The following TACR3 variants were observed in gnomAD, a reference collection of about 807,000 sequenced individuals.
The protein encoded by TACR3 is tachykinin receptor 3.
TACR3 carries 34 observed loss-of-function variants against 35.0 expected under a neutral mutation model. The observed-to-expected ratio is 0.97, with a 90% CI of 0.74 to 1.30. TACR3 has a LOEUF of 1.30. TACR3 is among the 50% of genes most tolerant of loss of function. TACR3 has a pLI of 0.00. For missense variants in TACR3, 558 were observed against 591.7 expected (o/e 0.94, Z 0.59); for synonymous variants, 233 against 221.1 (o/e 1.05, Z -0.48).
At chr4:103,622,710 A>G (rs2110305007) in intron 3 of TACR3, among the ~76,000 whole-genome samples, 1 of 152,252 alleles carries the variant, frequency 6.6e-6, no homozygotes, top group South Asian at 2.1e-4. Flanking sequence ...GAGTGAGTCT[A>G]GCCAAAAATA....
At chr4:103,594,950 TG>T (rs140039943) in intron 3 of TACR3, among the ~76,000 whole-genome samples, 9 of 152,292 alleles carry the variant, frequency 5.9e-5, no homozygotes, top group Non-Finnish European at 1.2e-4. Context: ...TACAAAATCT[TG>T]TAGTGTTATT....
intron 3 of TACR3, among the ~76,000 whole-genome samples, chr4:103,632,658 T>G (rs1725093997): frequency 6.6e-6 from 1 of 151,634 alleles, no homozygotes; most frequent in South Asian, 2.1e-4. Context: ...CTGTTTTTTT[T>G]TTTTGAAGAA....
chr4:103,592,551 T>A (rs7697019), intron 3 of TACR3, among the ~76,000 whole-genome samples: 1 of 152,016 alleles, frequency 6.6e-6, no homozygotes, highest in Non-Finnish European at 1.5e-5. Flanking sequence ...GAGATAAATA[T>A]ATATAGGATG....
chr4:103,698,307 G>C (rs1722569647), intron 1 of TACR3, among the ~76,000 whole-genome samples: 1 of 151,906 alleles, frequency 6.6e-6, no homozygotes, highest in Admixed American at 6.6e-5. Context: ...CCTGGGATTT[G>C]GATTAATAGT....
chr4:103,698,691 C>A (rs905206107), intron 1 of TACR3, among the ~76,000 whole-genome samples: 1 of 151,942 alleles, frequency 6.6e-6, no homozygotes, highest in Non-Finnish European at 1.5e-5. Context: ...TAATAATGAA[C>A]TCATACAGTC....
intron 3 of TACR3, among the ~76,000 whole-genome samples, chr4:103,610,688 C>T (rs550114393): frequency 6.6e-6 from 1 of 152,198 alleles, no homozygotes; most frequent in East Asian, 1.9e-4. Flanking sequence ...AGGTCTTATT[C>T]AAAATATCCT....
chr4:103,609,414 A>C (rs767208183), intron 3 of TACR3, among the ~76,000 whole-genome samples: 1 of 152,150 alleles, frequency 6.6e-6, no homozygotes, highest in Non-Finnish European at 1.5e-5. Context: ...TTTTATTATA[A>C]GAAATAACTC....
chr4:103,612,465 G>T (rs1303505437), intron 3 of TACR3, among the ~76,000 whole-genome samples: 1 of 150,694 alleles, frequency 6.6e-6, no homozygotes, highest in Non-Finnish European at 1.5e-5. Context: ...TTATTTAGGG[G>T]TTATCTTTGC....
At chr4:103,594,508 G>A (rs56199960) in intron 3 of TACR3, among the ~76,000 whole-genome samples, 5,250 of 152,184 alleles carry the variant, frequency 0.034, 334 homozygotes, top group African/African-American at 0.12. Context: ...GCACATGAAA[G>A]CATTAGATTT....
At chr4:103,694,522 A>G (rs1428811449) in intron 1 of TACR3, among the ~76,000 whole-genome samples, 4 of 152,084 alleles carry the variant, frequency 2.6e-5, no homozygotes, top group East Asian at 3.9e-4. Context: ...CCTCTCCCCA[A>G]CCTAAAGTTT....
At chr4:103,677,883 GAAAA>G (rs1266758769) in intron 1 of TACR3, among the ~76,000 whole-genome samples, 1 of 148,276 alleles carries the variant, frequency 6.7e-6, no homozygotes, top group Non-Finnish European at 1.5e-5. Flanking sequence ...CTGGAAATAA[GAAAA>G]AAGAAAAAAG....
At chr4:103,711,939 G>T (rs977997679) in intron 1 of TACR3, among the ~76,000 whole-genome samples, 1 of 152,142 alleles carries the variant, frequency 6.6e-6, no homozygotes, top group Non-Finnish European at 1.5e-5. Flanking sequence ...ACTTACAAGG[G>T]ATGTGAAGGA....
rs145114912 is a variant in TACR3 at position 103,667,006 on chromosome 4, C to T, written c.549-8603G>A. On this transcript the variant is annotated intron_variant, in intron 1 of 4. Transcript: ENST00000304883. ...GGCATGGTGACTCATGCCTGTAATC[C>T]CAGCACTTCAGGAGGCCAAGGTGGG... 2.2e-3 allele frequency among the ~76,000 whole-genome samples: 342 copies of T among 152,106 alleles called. 2 individuals are homozygous for T. The highest frequency in any genetic ancestry group is 0.012 in the East Asian group (63 of 5,166).
At chr4:103,611,986 A>G (rs1032618597) in intron 3 of TACR3, among the ~76,000 whole-genome samples, 3 of 152,202 alleles carry the variant, frequency 2.0e-5, no homozygotes, top group Non-Finnish European at 4.4e-5. Flanking sequence ...CTCTCTCCTA[A>G]ACAAATGCGA....
At chr4:103,684,721 C>T (rs1320929437) in intron 1 of TACR3, among the ~76,000 whole-genome samples, 1 of 151,922 alleles carries the variant, frequency 6.6e-6, no homozygotes, top group African/African-American at 2.4e-5. Context: ...TCTATTAAGG[C>T]TGGATGTGGT....
chr4:103,604,462 T>C (rs1176441703), intron 3 of TACR3, among the ~76,000 whole-genome samples: 1 of 149,072 alleles, frequency 6.7e-6, no homozygotes, highest in Non-Finnish European at 1.5e-5. Flanking sequence ...GGCAACACCA[T>C]TCAGGATGTA....
At chr4:103,636,596 A>G (rs1725197164) in intron 3 of TACR3, among the ~76,000 whole-genome samples, 1 of 152,154 alleles carries the variant, frequency 6.6e-6, no homozygotes, top group Admixed American at 6.6e-5. Context: ...TCAGAGCAGA[A>G]CTGAAGGAAA....
chr4:103,661,181 ATG>A (rs754007180), intron 1 of TACR3, among the ~76,000 whole-genome samples: 11 of 151,854 alleles, frequency 7.2e-5, no homozygotes, highest in Non-Finnish European at 8.8e-5. Context: ...TATGTGTTAT[ATG>A]TGTGTGTGTG....
chr4:103,649,094 A>G (rs143653448), intron 3 of TACR3, among the ~76,000 whole-genome samples: 3 of 152,162 alleles, frequency 2.0e-5, no homozygotes, highest in Non-Finnish European at 4.4e-5. Flanking sequence ...CTTTTGAGAA[A>G]TGTCTATTCA....
Sources: allele counts gnomAD v4.1 joint callset (sites outside exome capture counted in the v4.1 genomes callset), GRCh38; gene constraint gnomAD v4.1.1; transcripts MANE v1.5; gene names NCBI Gene and HGNC (gene_info 2026-07-23, HGNC 2026-07-21).